Variants in RAPGEF6 observed in about 807,000 individuals in gnomAD.
RAPGEF6 encodes PDZ domain containing guanine nucleotide exchange factor (GEF) 2.
A neutral mutation model predicts 171.4 loss-of-function variants in RAPGEF6; 56 were observed. That is an observed-to-expected ratio of 0.33 (90% CI 0.26 to 0.41). The LOEUF is 0.41. Ranked by LOEUF, RAPGEF6 falls within the 10% of genes least tolerant of loss-of-function variation. The pLI is 1.00. For missense variants in RAPGEF6, 1,674 were observed against 1,921.4 expected (o/e 0.87, Z 2.41); for synonymous variants, 692 against 650.1 (o/e 1.06, Z -0.98).
intron 6 of RAPGEF6, among the ~76,000 whole-genome samples, chr5:131,526,716 A>G (rs1483420213): frequency 6.6e-6 from 1 of 152,006 alleles, no homozygotes; most frequent in Non-Finnish European, 1.5e-5. Context: ...AACTCAATTC[A>G]TTTACCCCAT....
At chr5:131,537,683 A>G (rs1759859357) in intron 6 of RAPGEF6, among the ~76,000 whole-genome samples, 1 of 152,208 alleles carries the variant, frequency 6.6e-6, no homozygotes, top group Non-Finnish European at 1.5e-5. Context: ...TAAATTAATT[A>G]AAATATTTAA....
chr5:131,569,019 T>C (rs1451942935), intron 4 of RAPGEF6, among the ~76,000 whole-genome samples: 1 of 152,214 alleles, frequency 6.6e-6, no homozygotes, highest in African/African-American at 2.4e-5. Context: ...TTGGAAATGA[T>C]TTAACAAAAG....
chr5:131,504,585 G>A, intron 11 of RAPGEF6, 41 bp downstream of exon 11: 1 of 1,519,252 alleles, frequency 6.6e-7, no homozygotes, highest in Non-Finnish European at 8.8e-7. Flanking sequence ...TTTGATGATA[G>A]AATAAAATCA....
At chr5:131,447,731 G>C (rs1752813291) in intron 21 of RAPGEF6, among the ~76,000 whole-genome samples, 1 of 152,084 alleles carries the variant, frequency 6.6e-6, no homozygotes, top group Non-Finnish European at 1.5e-5. Flanking sequence ...CTTTAAAATA[G>C]ACACTAAAAT....
chr5:131,495,076 C>T (rs1421570329), intron 13 of RAPGEF6, among the ~76,000 whole-genome samples: 9 of 152,060 alleles, frequency 5.9e-5, no homozygotes, highest in African/African-American at 1.4e-4. Context: ...GGGCGGATCA[C>T]GAGGTCAGGA....
intron 15 of RAPGEF6, among the ~76,000 whole-genome samples, chr5:131,484,109 AAAAG>A (rs1337976166): frequency 6.6e-6 from 1 of 151,358 alleles, no homozygotes; most frequent in Non-Finnish European, 1.5e-5. Flanking sequence ...AAAAAAAAAA[AAAAG>A]ACTTTATAGA....
chr5:131,578,629 T>C (rs1476057192), intron 4 of RAPGEF6, among the ~76,000 whole-genome samples: 1 of 152,154 alleles, frequency 6.6e-6, no homozygotes, highest in African/African-American at 2.4e-5. Context: ...GCCACTCCTT[T>C]ATGCATCTTC....
rs1224249212 is a variant in RAPGEF6 at position 131,549,596 on chromosome 5, T to C, written c.352-1406A>G. Among the ~76,000 whole-genome samples, 31 of 152,036 alleles carry C rather than the reference T, an allele frequency of 2.0e-4. 1 individual carries two copies. The highest frequency in any genetic ancestry group is 2.0e-3 in the Admixed American group (31 of 15,270). ...CGCAGTGGCGAGTGCCTGTAGTCCC[T>C]GCTACCAGGGATGCTGGGGCGAGAG... On this transcript the variant is annotated intron_variant, in intron 5 of 27. Coordinates refer to ENST00000509018, the MANE Select transcript of RAPGEF6 (RefSeq NM_016340.6).
chr5:131,476,977 G>C (rs1297485151), intron 16 of RAPGEF6, among the ~76,000 whole-genome samples: 1 of 152,130 alleles, frequency 6.6e-6, no homozygotes, highest in Non-Finnish European at 1.5e-5. Context: ...ATGGTATCCA[G>C]TATTAAACTG....
intron 4 of RAPGEF6, among the ~76,000 whole-genome samples, chr5:131,585,912 T>G (rs1337256997): frequency 6.6e-6 from 1 of 152,180 alleles, no homozygotes; most frequent in Non-Finnish European, 1.5e-5. Flanking sequence ...AGTCCTGCCT[T>G]TCCAGACTGA....
intron 1 of RAPGEF6, among the ~76,000 whole-genome samples, chr5:131,611,900 C>T (rs1300248628): frequency 6.6e-6 from 1 of 151,938 alleles, no homozygotes; most frequent in Non-Finnish European, 1.5e-5. Context: ...TTTTTCATGC[C>T]TTATTATGTA....
chr5:131,504,889 C>G, intron 10 of RAPGEF6, 111 bp from the exon 11 acceptor site: 3 of 1,011,448 alleles, frequency 3.0e-6, no homozygotes, highest in Non-Finnish European at 4.1e-6. Flanking sequence ...AGTTCTTTTT[C>G]ACTTAATTCC....
chr5:131,469,721 T>A, intron 17 of RAPGEF6: 11 of 1,082,956 alleles, frequency 1.0e-5, no homozygotes, highest in Non-Finnish European at 1.4e-5. Flanking sequence ...TTCAATTCTG[T>A]ATCATTGGAC....
chr5:131,583,171 C>T (rs1763064407), intron 4 of RAPGEF6, among the ~76,000 whole-genome samples: 1 of 152,148 alleles, frequency 6.6e-6, no homozygotes, highest in South Asian at 2.1e-4. Flanking sequence ...AAACCCCAAT[C>T]GACTAAATGG....
rs116089141 is a variant in RAPGEF6, at chr5:131,573,664, T to C, written c.282-11617A>G. 7.3e-3 allele frequency among the ~76,000 whole-genome samples: 1,109 copies of C among 152,000 alleles called. 8 individuals carry two copies. Among genetic ancestry groups the C allele is most frequent in the African/African-American group, 0.025 (1,026 of 41,460 alleles). On this transcript the variant is annotated intron_variant, in intron 4 of 27. Transcript: ENST00000509018. The stretch of plus-strand genomic sequence containing the variant: ...ACCAGACGGACTCCCCAGGTATAGC[T>C]AGGCAAGATTACACAGTCTCCTGCC...
At chr5:131,548,948 C>T (rs111679359) in intron 5 of RAPGEF6, among the ~76,000 whole-genome samples, 3,058 of 152,160 alleles carry the variant, frequency 0.02, 117 homozygotes, top group African/African-American at 0.069. Context: ...CCTGTAGTAC[C>T]AGCTACTTAG....
chr5:131,563,769 T>A (rs1203747863), intron 4 of RAPGEF6, among the ~76,000 whole-genome samples: 2 of 152,136 alleles, frequency 1.3e-5, no homozygotes, highest in African/African-American at 4.8e-5. Context: ...CCTCCCAAAG[T>A]GCTAGGATTA....
intron 1 of RAPGEF6, among the ~76,000 whole-genome samples, chr5:131,617,925 T>A (rs1765370808): frequency 1.3e-5 from 2 of 152,332 alleles, no homozygotes; most frequent in South Asian, 4.1e-4. Context: ...CATGGAGGTA[T>A]AAACAACATT....
rs183690509 is a variant in RAPGEF6 at position 131,570,749 on chromosome 5, T to C, written c.282-8702A>G. On this transcript the variant is annotated intron_variant, in intron 4 of 27. Transcript: ENST00000509018. Reference sequence around the variant, plus strand: ...GCAGAAAATTAAATTTTAAGTAAAATACTCTCTCTATATGTAAAATACTCT... The same window carrying C: ...GCAGAAAATTAAATTTTAAGTAAAACACTCTCTCTATATGTAAAATACTCT... Among the ~76,000 whole-genome samples the C allele has an allele frequency of 2.6e-4, 39 of 152,194 alleles. 1 individual carries two copies. The highest frequency in any genetic ancestry group is 2.5e-3 in the Admixed American group (38 of 15,278).
Sources: allele counts gnomAD v4.1 joint callset (sites outside exome capture counted in the v4.1 genomes callset), GRCh38; gene constraint gnomAD v4.1.1; transcripts MANE v1.5; gene names NCBI Gene and HGNC (gene_info 2026-07-23, HGNC 2026-07-21).